Variants in SORCS2 observed in about 807,000 individuals in gnomAD.
SORCS2 encodes VPS10 domain-containing receptor SorCS2.
In SORCS2, 100 loss-of-function variants were observed where a neutral mutation model predicts 141.6. The observed-to-expected ratio is 0.71, with a 90% CI of 0.60 to 0.83. The LOEUF is 0.83. SORCS2 is among the 40% of genes least tolerant of loss of function. The probability of loss-of-function intolerance (pLI) is 0.00; values close to 1 mark genes in which losing one functional copy is unlikely to be tolerated. For synonymous variants in SORCS2, 789 were observed against 676.9 expected, an observed-to-expected ratio of 1.17 and a Z score of -2.57; for missense variants, 1,646 against 1,560.2, an observed-to-expected ratio of 1.05 and a Z score of -0.93.
intron 3 of SORCS2, among the ~76,000 whole-genome samples, chr4:7,565,975 T>C (rs1358510301): frequency 5.9e-5 from 5 of 84,718 alleles, no homozygotes; most frequent in African/African-American, 1.5e-4. Context: ...GCTGTGATGA[T>C]GGTGATGATA....
At chr4:7,497,451 AC>A (rs35604288) in intron 2 of SORCS2, among the ~76,000 whole-genome samples, 37,667 of 151,922 alleles carry the variant, frequency 0.25, 5,042 homozygotes, top group Middle Eastern at 0.38. Context: ...GCTGTCTCTT[AC>A]CCCCTCCTCC....
chr4:7,690,112 G>A (rs1724130768), intron 11 of SORCS2, among the ~76,000 whole-genome samples: 1 of 149,930 alleles, frequency 6.7e-6, no homozygotes, highest in Non-Finnish European at 1.5e-5. Flanking sequence ...GATACATGAT[G>A]GATGGATGAT....
chr4:7,320,316 A>G (rs1718819306), intron 1 of SORCS2, among the ~76,000 whole-genome samples: 1 of 152,228 alleles, frequency 6.6e-6, no homozygotes, highest in Non-Finnish European at 1.5e-5. Flanking sequence ...TAGTGTGAAT[A>G]GCATAGGTGA....
intron 3 of SORCS2, among the ~76,000 whole-genome samples, chr4:7,548,547 A>C (rs1012656691): frequency 6.6e-6 from 1 of 152,158 alleles, no homozygotes; most frequent in Non-Finnish European, 1.5e-5. Context: ...AGACAAAGGG[A>C]GGCCCAGCAC....
Position 7,472,947 on chromosome 4 carries a change from C to T in SORCS2, c.549-58583C>T, listed in dbSNP as rs192814792. Among the ~76,000 whole-genome samples, 381 of 151,972 alleles carry T rather than the reference C, an allele frequency of 2.5e-3. 3 individuals carry two copies. The highest frequency in any genetic ancestry group is 0.014 in the Middle Eastern group (4 of 294). On this transcript the variant is annotated intron_variant, in intron 2 of 26. Transcript: ENST00000507866. Reference sequence around the variant, plus strand: ...AAAAAAAACAAAATAGCCCTGGAGACCGTTACTGTCAATACTACATCTTAT... The same window carrying T: ...AAAAAAAACAAAATAGCCCTGGAGATCGTTACTGTCAATACTACATCTTAT...
At chr4:7,396,696 C>G (rs1233561309) in intron 2 of SORCS2, among the ~76,000 whole-genome samples, 1 of 152,188 alleles carries the variant, frequency 6.6e-6, no homozygotes, top group East Asian at 1.9e-4. Context: ...TTCACTTGTG[C>G]TCAGAACTTC....
chr4:7,734,263 T>G lies in SORCS2; in HGVS notation c.3209-9T>G, dbSNP rs16840948. On this transcript the variant is annotated splice_polypyrimidine_tract_variant and intron_variant, in intron 24 of 26. Transcript: ENST00000507866. ...CGAGGTCCTCCACTGACAACCGCTT[T>G]GCTTGCAGGTGCTGAGCAGCTGGGC... is the stretch of plus-strand genomic sequence containing the variant. The G allele has an allele frequency of 7.5e-3, 11,982 of 1,588,164 alleles. 363 individuals carry two copies. In the African/African-American group the frequency reaches 0.089, roughly 12 times the overall value.
chr4:7,543,805 CATCCATCCATCCATCT>C (rs1443610311), intron 3 of SORCS2, among the ~76,000 whole-genome samples: 1 of 99,190 alleles, frequency 1.0e-5, no homozygotes, highest in Non-Finnish European at 2.3e-5. Flanking sequence ...TCCATCCATC[CATCCATCCATCCATCT>C]ACCCATCTGT....
chr4:7,301,566 A>G (rs1298790795), intron 1 of SORCS2, among the ~76,000 whole-genome samples: 1 of 152,142 alleles, frequency 6.6e-6, no homozygotes, highest in Non-Finnish European at 1.5e-5. Context: ...CAGGCAGAGC[A>G]CCCTCGACCC....
At chr4:7,568,274 G>A (rs1366181591) in intron 3 of SORCS2, among the ~76,000 whole-genome samples, 1 of 152,164 alleles carries the variant, frequency 6.6e-6, no homozygotes, top group Non-Finnish European at 1.5e-5. Context: ...AAACCTAAAA[G>A]CTTCACTTGT....
intron 2 of SORCS2, among the ~76,000 whole-genome samples, chr4:7,437,208 A>G (rs1181595262): frequency 6.6e-6 from 1 of 152,146 alleles, no homozygotes; most frequent in Non-Finnish European, 1.5e-5. Flanking sequence ...AAGTGGCTAT[A>G]AACCAGGGTC....
At chr4:7,403,651 T>A (rs928223416) in intron 2 of SORCS2, among the ~76,000 whole-genome samples, 4 of 152,082 alleles carry the variant, frequency 2.6e-5, no homozygotes, top group Non-Finnish European at 4.4e-5. Flanking sequence ...TATCAGCGTC[T>A]CTGATACACT....
intron 1 of SORCS2, among the ~76,000 whole-genome samples, chr4:7,236,486 C>G (rs1357706824): frequency 6.6e-6 from 1 of 152,060 alleles, no homozygotes; most frequent in Non-Finnish European, 1.5e-5. Context: ...GGGTTGATGG[C>G]GTAGGTGAGG....
At chr4:7,269,288 C>T (rs758031747) in intron 1 of SORCS2, among the ~76,000 whole-genome samples, 18 of 152,184 alleles carry the variant, frequency 1.2e-4, no homozygotes, top group Non-Finnish European at 1.8e-4. Context: ...AGGCAAGTGA[C>T]CGGCAGGAAG....
Position 7,638,449 on chromosome 4 carries a change from C to G in SORCS2, c.770C>G (p.Pro257Arg). 1 of 1,608,066 alleles carries G rather than the reference C, an allele frequency of 6.2e-7. No individual in the cohort carries two copies. Among genetic ancestry groups the G allele is most frequent in the Non-Finnish European group, 8.5e-7 (1 of 1,177,604 alleles). The change falls in exon 4 of 27, where the codon CCT becomes CGT. Residue 257 changes from proline to arginine, a missense_variant. Pro to Arg is a moderately radical substitution (Grantham distance 103, BLOSUM62 -2). Transcript: ENST00000507866. ...PFFVETLIFHPKEEDKVLAYT... is the reference protein window; with the variant it reads ...PFFVETLIFHRKEEDKVLAYT... ...TTCGTGGAAACTCTGATTTTCCACCCTAAGGAGGAGGACAAGGTCCTCGCC... is the reference window on the plus strand; with the variant it reads ...TTCGTGGAAACTCTGATTTTCCACCGTAAGGAGGAGGACAAGGTCCTCGCC...
intron 3 of SORCS2, among the ~76,000 whole-genome samples, chr4:7,540,231 C>A (rs1344110448): frequency 2.1e-5 from 3 of 146,180 alleles, no homozygotes; most frequent in Non-Finnish European, 4.5e-5. Flanking sequence ...CCTCTCCCTG[C>A]CCCTGCCTCT....
At chr4:7,665,089 T>C (rs1722421211) in intron 7 of SORCS2, among the ~76,000 whole-genome samples, 1 of 152,162 alleles carries the variant, frequency 6.6e-6, no homozygotes, top group Admixed American at 6.5e-5. Flanking sequence ...ATCCACTGGG[T>C]TCTGTTCTGC....
chr4:7,413,504 C>T (rs1725461035), intron 2 of SORCS2, among the ~76,000 whole-genome samples: 1 of 150,034 alleles, frequency 6.7e-6, no homozygotes, highest in South Asian at 2.1e-4. Context: ...AGTGATTCCC[C>T]TGCCTCAGCC....
At chr4:7,514,260 C>G (rs1732840732) in intron 2 of SORCS2, among the ~76,000 whole-genome samples, 1 of 152,156 alleles carries the variant, frequency 6.6e-6, no homozygotes, top group African/African-American at 2.4e-5. Context: ...GAAGACTTGA[C>G]TAGGTGGTTC....
Sources: allele counts gnomAD v4.1 joint callset (sites outside exome capture counted in the v4.1 genomes callset), GRCh38; gene constraint gnomAD v4.1.1; transcripts MANE v1.5; gene names NCBI Gene and HGNC (gene_info 2026-07-23, HGNC 2026-07-21).